Variants in SLC44A1 observed in about 807,000 individuals in gnomAD.
SLC44A1 encodes the protein choline transporter-like protein 1.
Under a neutral mutation model 79.3 loss-of-function variants are expected in SLC44A1, and 26 were observed. That is an observed-to-expected ratio of 0.33 (90% CI 0.24 to 0.46). SLC44A1 has a LOEUF of 0.46. SLC44A1 is among the 20% of genes least tolerant of loss of function. SLC44A1 has a pLI of 1.00. For missense variants in SLC44A1, 688 were observed against 798.1 expected (o/e 0.86, Z 1.66); for synonymous variants, 263 against 286.2 (o/e 0.92, Z 0.82).
intron 15 of SLC44A1, among the ~76,000 whole-genome samples, chr9:105,437,626 A>G (rs1005497743): frequency 2.0e-5 from 3 of 152,176 alleles, no homozygotes; most frequent in African/African-American, 7.2e-5. Flanking sequence ...TCCATTTAAA[A>G]GAATCATGTT....
chr9:105,347,086 C>G (rs1004508290), intron 4 of SLC44A1, among the ~76,000 whole-genome samples: 10 of 151,966 alleles, frequency 6.6e-5, no homozygotes, highest in African/African-American at 2.4e-4. Flanking sequence ...AATAAATTTG[C>G]TCCCAATTTT....
intron 14 of SLC44A1, among the ~76,000 whole-genome samples, chr9:105,383,850 C>A (rs1223772548): frequency 1.3e-5 from 2 of 152,082 alleles, no homozygotes; most frequent in Non-Finnish European, 2.9e-5. Context: ...GATAACAGAC[C>A]CATGACTGGT....
At position 105,392,305 on chromosome 9, in the gene SLC44A1, T is replaced by A. The variant is rs958774963; in HGVS notation, c.*3249T>A. The A allele has an allele frequency of 5.1e-6, 5 of 984,754 alleles. No individual in the cohort carries two copies. The East Asian group carries it at 5.7e-4, about 112-fold the overall frequency. 61.0% of individuals were successfully genotyped at this position (984,754 alleles called of 1,614,324 possible). On this transcript the variant is annotated 3_prime_UTR_variant, in exon 16 of 16. Coordinates refer to ENST00000374720, the MANE Select transcript of SLC44A1 (RefSeq NM_080546.5). ...CTTAACTGTATGTTGGTACCCAAACTTTTTCTATAATGGTTAAGGAGGAGG... is the reference window on the plus strand; with the variant it reads ...CTTAACTGTATGTTGGTACCCAAACATTTTCTATAATGGTTAAGGAGGAGG...
chr9:105,318,950 G>A (rs547603312), intron 3 of SLC44A1, among the ~76,000 whole-genome samples: 16 of 152,242 alleles, frequency 1.1e-4, no homozygotes, highest in Middle Eastern at 3.4e-3. Flanking sequence ...CACTACTTGA[G>A]TTGGTTCTAG....
chr9:105,310,855 G>A (rs1283367382), intron 3 of SLC44A1, among the ~76,000 whole-genome samples: 1 of 152,188 alleles, frequency 6.6e-6, no homozygotes, highest in Non-Finnish European at 1.5e-5. Flanking sequence ...ATAAGATAAT[G>A]CAGTTTAAAT....
At chr9:105,306,067 G>A (rs1831023302) in intron 2 of SLC44A1, among the ~76,000 whole-genome samples, 1 of 152,028 alleles carries the variant, frequency 6.6e-6, no homozygotes, top group Non-Finnish European at 1.5e-5. Context: ...CCTCCTATTT[G>A]TGAATAAATT....
intron 5 of SLC44A1, among the ~76,000 whole-genome samples, chr9:105,352,016 T>C (rs1025512682): frequency 6.6e-6 from 1 of 152,122 alleles, no homozygotes; most frequent in Non-Finnish European, 1.5e-5. Context: ...ATCCTAACAC[T>C]TTGGGAGACC....
chr9:105,389,480 C>A lies in SLC44A1; in HGVS notation c.*424C>A, dbSNP rs1828710482. The A allele has an allele frequency of 9.7e-7, 1 of 1,034,814 alleles. No individual in the cohort carries two copies. The highest frequency in any genetic ancestry group is 1.2e-6 in the Non-Finnish European group (1 of 861,672). The allele number at this position is 1,034,814 out of a possible 1,614,324, so 64.1% of individuals were successfully genotyped here. On this transcript the variant is annotated 3_prime_UTR_variant, in exon 16 of 16. Coordinates refer to ENST00000374720, the MANE Select transcript of SLC44A1 (RefSeq NM_080546.5). ...AATTTCCCTGATGTCTGTATAAAAT[C>A]AAGATCTTATTTTACTGATGCATAA...
intron 15 of SLC44A1, among the ~76,000 whole-genome samples, chr9:105,388,260 A>G (rs1057145457): frequency 6.6e-6 from 1 of 152,220 alleles, no homozygotes; most frequent in Non-Finnish European, 1.5e-5. Context: ...GGCCCCTACT[A>G]ACACCATTCC....
chr9:105,358,767 TTCTG>T (rs1318801900), intron 7 of SLC44A1, among the ~76,000 whole-genome samples: 28 of 152,214 alleles, frequency 1.8e-4, no homozygotes, highest in African/African-American at 6.0e-4. Context: ...TTCTCATCTG[TTCTG>T]TCTTTCTTGA....
At chr9:105,290,894 C>G (rs1183820841) in intron 1 of SLC44A1, among the ~76,000 whole-genome samples, 1 of 152,170 alleles carries the variant, frequency 6.6e-6, no homozygotes, top group Non-Finnish European at 1.5e-5. Flanking sequence ...ATCTTAATAC[C>G]TTTAACTGTC....
At chr9:105,264,100 C>T (rs970829590) in intron 1 of SLC44A1, among the ~76,000 whole-genome samples, 4 of 152,274 alleles carry the variant, frequency 2.6e-5, no homozygotes, top group Admixed American at 1.3e-4. Context: ...GCACCTACTT[C>T]GGGTTGCCCT....
chr9:105,408,969 A>G (rs963971078), intron 15 of SLC44A1, among the ~76,000 whole-genome samples: 5 of 152,222 alleles, frequency 3.3e-5, no homozygotes, highest in Non-Finnish European at 7.3e-5. Context: ...CTAAAAATAT[A>G]CATTCATAAA....
At chr9:105,264,921 C>T (rs1174153236) in intron 1 of SLC44A1, among the ~76,000 whole-genome samples, 4 of 151,974 alleles carry the variant, frequency 2.6e-5, no homozygotes, top group African/African-American at 4.8e-5. Flanking sequence ...CTCAGCCTCC[C>T]GAGTAGCTGG....
At chr9:105,372,145 A>T (rs1588843306) in intron 12 of SLC44A1, among the ~76,000 whole-genome samples, 1 of 152,208 alleles carries the variant, frequency 6.6e-6, no homozygotes, top group South Asian at 2.1e-4. Flanking sequence ...AACACTTAGT[A>T]TGATTTCTTT....
rs371768444 is a variant in SLC44A1, at chr9:105,363,020, G to A, written c.1087+13G>A. 3.8e-5 allele frequency: 60 copies of A among 1,570,020 alleles called. No homozygotes were observed. Among genetic ancestry groups the A allele is most frequent in the Non-Finnish European group, 4.9e-5 (56 of 1,152,396 alleles). On this transcript the variant is annotated intron_variant, in intron 9 of 15. Transcript: ENST00000374720. The stretch of plus-strand genomic sequence containing the variant: ...CTTGGCACTACCGGTAAGAAGATAA[G>A]CTTCTTTCTCTTAGTGACAAACGTG...
intron 7 of SLC44A1, 138 bp from the exon 8 acceptor site, chr9:105,361,053 A>G (rs566151563): frequency 1.5e-5 from 12 of 800,606 alleles, no homozygotes; most frequent in Middle Eastern, 3.0e-4. Flanking sequence ...AGTTATAGCT[A>G]TGTACTTCCC....
chr9:105,359,362 G>A (rs1246372035), intron 7 of SLC44A1, among the ~76,000 whole-genome samples: 1 of 151,702 alleles, frequency 6.6e-6, no homozygotes, highest in Non-Finnish European at 1.5e-5. Context: ...ATGACCTTAG[G>A]AGAAAAAAAC....
In SLC44A1 at chr9:105,395,438, C is replaced by G. The variant is rs543948469; in HGVS notation, c.*6382C>G. 2.3e-5 allele frequency: 14 copies of G among 601,490 alleles called. No individual in the cohort carries two copies. The African/African-American group carries it at 2.8e-4, about 12-fold the overall frequency. 37.3% of individuals were successfully genotyped at this position (601,490 alleles called of 1,614,324 possible). A position where few individuals can be genotyped will look rare whatever the true frequency, so the allele number is the denominator to read the frequency against. ...TTCACCACGTTGGCCAGGCCAATCT[C>G]GAACTCCTGACCTCAGGTGATCCAC... On this transcript the variant is annotated 3_prime_UTR_variant, in exon 16 of 16. Transcript: ENST00000374720.
Sources: allele counts gnomAD v4.1 joint callset (sites outside exome capture counted in the v4.1 genomes callset), GRCh38; gene constraint gnomAD v4.1.1; transcripts MANE v1.5; gene names NCBI Gene and HGNC (gene_info 2026-07-23, HGNC 2026-07-21).